The following DCC variants were observed in gnomAD, a reference collection of about 807,000 sequenced individuals.
DCC encodes the protein DCC netrin 1 receptor, also known as netrin receptor DCC.
In DCC, 58 loss-of-function variants were observed where a neutral mutation model predicts 172.5. The observed-to-expected ratio is 0.34, with a 90% confidence interval of 0.27 to 0.42. The LOEUF is 0.42. Among genes scored for constraint, DCC ranks in the 10% least tolerant of loss-of-function variants. The pLI, the probability that DCC is intolerant of heterozygous loss-of-function variation, is 1.00. For synonymous variants in DCC, 709 were observed against 644.5 expected, an observed-to-expected ratio of 1.10 and a Z score of -1.52; for missense variants, 1,740 against 1,791.0, an observed-to-expected ratio of 0.97 and a Z score of 0.51.
At chr18:52,406,901 G>A (rs918619457) in intron 1 of DCC, among the ~76,000 whole-genome samples, 3 of 151,970 alleles carry the variant, frequency 2.0e-5, no homozygotes, top group Admixed American at 6.6e-5. Flanking sequence ...GTGTGAGTCT[G>A]TATGTATCTG....
intron 5 of DCC, among the ~76,000 whole-genome samples, chr18:52,970,129 GATAT>G (rs2041006585): frequency 6.6e-6 from 1 of 152,000 alleles, no homozygotes; most frequent in Admixed American, 6.6e-5. Flanking sequence ...CTCCTAGGAA[GATAT>G]ATATTTACAT....
chr18:52,497,035 C>G (rs1271325991), intron 1 of DCC, among the ~76,000 whole-genome samples: 3 of 151,402 alleles, frequency 2.0e-5, no homozygotes, highest in Non-Finnish European at 4.4e-5. Context: ...AGGAGGGTCC[C>G]TCAAGCCCAG....
At chr18:52,646,320 A>G (rs1366204034) in intron 1 of DCC, among the ~76,000 whole-genome samples, 1 of 152,194 alleles carries the variant, frequency 6.6e-6, no homozygotes, top group Non-Finnish European at 1.5e-5. Flanking sequence ...ACAAGAGAAC[A>G]TGCTTCTCTA....
intron 11 of DCC, among the ~76,000 whole-genome samples, chr18:53,213,267 A>G (rs531432604): frequency 6.6e-6 from 1 of 152,194 alleles, no homozygotes; most frequent in Non-Finnish European, 1.5e-5. Flanking sequence ...TAATTGATCA[A>G]AAAGTTAGTG....
At chr18:52,767,253 A>AT (rs1247100418) in intron 2 of DCC, among the ~76,000 whole-genome samples, 1 of 152,118 alleles carries the variant, frequency 6.6e-6, no homozygotes, top group African/African-American at 2.4e-5. Context: ...AGGGTTCATG[A>AT]TTTTTTTATT....
chr18:53,385,227 T>A (rs1002895469), intron 15 of DCC, among the ~76,000 whole-genome samples: 9 of 152,186 alleles, frequency 5.9e-5, no homozygotes, highest in Non-Finnish European at 1.3e-4. Context: ...ACAAGTAGAA[T>A]CTGGAGCAGG....
intron 1 of DCC, among the ~76,000 whole-genome samples, chr18:52,501,411 T>C (rs1180679083): frequency 1.3e-5 from 2 of 152,186 alleles, no homozygotes; most frequent in African/African-American, 4.8e-5. Flanking sequence ...TATGAATGTA[T>C]CACAAGTAGC....
At chr18:53,416,552 C>T (rs1013257672) in intron 21 of DCC, 6 of 251,704 alleles carry the variant, frequency 2.4e-5, no homozygotes, top group Admixed American at 1.5e-4. Flanking sequence ...AGAGAAAACC[C>T]GTAAATTATG....
chr18:52,655,050 A>G (rs1196746414), intron 1 of DCC, among the ~76,000 whole-genome samples: 2 of 151,796 alleles, frequency 1.3e-5, no homozygotes, highest in Middle Eastern at 3.4e-3. Flanking sequence ...ACCAAAGTGG[A>G]TGGTTGAAAC....
chr18:52,607,725 T>G (rs2034166439), intron 1 of DCC, among the ~76,000 whole-genome samples: 1 of 152,186 alleles, frequency 6.6e-6, no homozygotes, highest in Non-Finnish European at 1.5e-5. Context: ...CTTAAGAAGT[T>G]TAAAATATTG....
chr18:53,187,144 A>T (rs1325110113), intron 9 of DCC, among the ~76,000 whole-genome samples: 9 of 142,338 alleles, frequency 6.3e-5, no homozygotes, highest in Admixed American at 3.6e-4. Context: ...TTTTTTTGAG[A>T]TGGAATCTTG....
chr18:52,658,403 A>G (rs1156753192), intron 1 of DCC, among the ~76,000 whole-genome samples: 1 of 152,078 alleles, frequency 6.6e-6, no homozygotes, highest in East Asian at 1.9e-4. Flanking sequence ...GGTCTTTTTT[A>G]TTTTTACATA....
At chr18:53,472,690 T>C (rs1216966835) in intron 25 of DCC, among the ~76,000 whole-genome samples, 1 of 152,176 alleles carries the variant, frequency 6.6e-6, no homozygotes, top group Non-Finnish European at 1.5e-5. Flanking sequence ...ACTTCACATC[T>C]AAACTGCCAA....
chr18:52,486,360 T>C (rs1350618808), intron 1 of DCC, among the ~76,000 whole-genome samples: 2 of 151,940 alleles, frequency 1.3e-5, no homozygotes, highest in South Asian at 4.2e-4. Context: ...GCCATTTGAG[T>C]AGTAGGGATA....
intron 12 of DCC, among the ~76,000 whole-genome samples, chr18:53,273,223 A>T (rs2144711464): frequency 6.6e-6 from 1 of 152,264 alleles, no homozygotes; most frequent in South Asian, 2.1e-4. Context: ...ATGTGCTCTT[A>T]TGAATAATAA....
chr18:52,826,524 G>T (rs7234195), intron 2 of DCC, among the ~76,000 whole-genome samples: 1 of 151,750 alleles, frequency 6.6e-6, no homozygotes, highest in Non-Finnish European at 1.5e-5. Flanking sequence ...TTGAAGGAAG[G>T]GGCTGGAGTG....
intron 2 of DCC, among the ~76,000 whole-genome samples, chr18:52,890,089 C>T (rs2039626394): frequency 6.6e-6 from 1 of 152,022 alleles, no homozygotes; most frequent in South Asian, 2.1e-4. Context: ...GTCAATGAAA[C>T]TAAGATCTAT....
At chr18:52,853,242 C>T (rs1431214040) in intron 2 of DCC, among the ~76,000 whole-genome samples, 3 of 152,050 alleles carry the variant, frequency 2.0e-5, no homozygotes, top group Non-Finnish European at 2.9e-5. Flanking sequence ...AAGTTTAGTG[C>T]CTGGCACAGA....
chr18:53,514,236 A>C (rs1638664402), intron 27 of DCC, among the ~76,000 whole-genome samples: 1 of 152,148 alleles, frequency 6.6e-6, no homozygotes. Flanking sequence ...AGAAATAAAG[A>C]TGTTCTTTGA....
Sources: allele counts gnomAD v4.1 joint callset (sites outside exome capture counted in the v4.1 genomes callset), GRCh38; gene constraint gnomAD v4.1.1; transcripts MANE v1.5; gene names NCBI Gene and HGNC (gene_info 2026-07-23, HGNC 2026-07-21).